CELF5: variants seen among roughly 807,000 people sequenced by gnomAD.
The protein encoded by CELF5 is CUG-BP and ETR-3 like factor 5.
In CELF5, 6 loss-of-function variants were observed where a neutral mutation model predicts 54.9. The ratio of observed to expected loss-of-function variants is 0.11; its 90% CI spans 0.06 to 0.22. The LOEUF is 0.22. CELF5 is among the 10% of genes least tolerant of loss of function. The pLI, the probability that CELF5 is intolerant of heterozygous loss-of-function variation, is 1.00. For missense variants in CELF5, 401 were observed against 678.6 expected, an observed-to-expected ratio of 0.59 and a Z score of 4.54; for synonymous variants, 271 against 290.9, an observed-to-expected ratio of 0.93 and a Z score of 0.70.
chr19:3,244,485 T>C (rs1217499502), intron 1 of CELF5, among the ~76,000 whole-genome samples: 1 of 147,852 alleles, frequency 6.8e-6, no homozygotes, highest in Non-Finnish European at 1.5e-5. Flanking sequence ...CATCTGTGTG[T>C]GCGGTGTGCA....
chr19:3,271,026 T>C (rs867001532), intron 2 of CELF5, among the ~76,000 whole-genome samples: 1 of 148,834 alleles, frequency 6.7e-6, no homozygotes. Flanking sequence ...TATTTAAATA[T>C]CTCTTTTGTG....
chr19:3,249,283 C>G (rs900501232), intron 1 of CELF5, among the ~76,000 whole-genome samples: 1 of 152,124 alleles, frequency 6.6e-6, no homozygotes, highest in African/African-American at 2.4e-5. Flanking sequence ...TGTATCCATC[C>G]CAGGACCCCT....
intron 12 of CELF5, chr19:3,296,462 G>GAAAAAAAAAAAAAAAAAAAAAAAAAAAA (rs2080453769): frequency 2.7e-5 from 2 of 74,494 alleles, no homozygotes; most frequent in African/African-American, 1.0e-4. Flanking sequence ...AAAAAGAAAA[G>GAAAAAAAAAAAAAAAAAAAAAAAAAAAA]AAAAAAGAAA....
intron 2 of CELF5, among the ~76,000 whole-genome samples, chr19:3,257,290 TGAA>T (rs2079741170): frequency 6.7e-6 from 1 of 149,512 alleles, no homozygotes; most frequent in Non-Finnish European, 1.5e-5. Flanking sequence ...GTCAGAGGAG[TGAA>T]GAAGAGTGAG....
intron 1 of CELF5, among the ~76,000 whole-genome samples, chr19:3,241,746 C>T (rs962264408): frequency 6.6e-6 from 1 of 152,080 alleles, no homozygotes; most frequent in Admixed American, 6.5e-5. Context: ...GATCCAGCCC[C>T]GTGTTTCTGA....
At chr19:3,291,465 T>C (rs2080346041) in intron 11 of CELF5, among the ~76,000 whole-genome samples, 1 of 149,884 alleles carries the variant, frequency 6.7e-6, no homozygotes, top group Non-Finnish European at 1.5e-5. Context: ...ACTTAGGAGA[T>C]TGCAGCAGGA....
chr19:3,276,380 C>T (rs2080053196), intron 4 of CELF5, among the ~76,000 whole-genome samples: 2 of 141,022 alleles, frequency 1.4e-5, no homozygotes, highest in African/African-American at 5.4e-5. Context: ...TTCTCCAGAG[C>T]TGAAGTCTGT....
chr19:3,241,563 T>C (rs1405790639), intron 1 of CELF5, among the ~76,000 whole-genome samples: 5 of 150,990 alleles, frequency 3.3e-5, no homozygotes, highest in Admixed American at 6.6e-5. Context: ...CTGGGGCAGG[T>C]GTGTGGGGTG....
At chr19:3,259,046 G>A (rs1283845053) in intron 2 of CELF5, among the ~76,000 whole-genome samples, 1 of 152,170 alleles carries the variant, frequency 6.6e-6, no homozygotes, top group Non-Finnish European at 1.5e-5. Flanking sequence ...TTTAGTGAAG[G>A]GTGGACAGGG....
At chr19:3,251,652 C>CTTTTTTTTTTTTTTT (rs1195812856) in intron 2 of CELF5, among the ~76,000 whole-genome samples, 35 of 67,102 alleles carry the variant, frequency 5.2e-4, no homozygotes, top group East Asian at 3.1e-3. Context: ...ACAAGGGCTT[C>CTTTTTTTTTTTTTTT]TTTTTTTTTT....
chr19:3,258,638 G>T (rs1162747769), intron 2 of CELF5, among the ~76,000 whole-genome samples: 1 of 151,888 alleles, frequency 6.6e-6, no homozygotes, highest in African/African-American at 2.4e-5. Context: ...TAGAGACAGG[G>T]TCTTGCTCTG....
At chr19:3,236,192 TA>T (rs111971172) in intron 1 of CELF5, among the ~76,000 whole-genome samples, 1 of 151,736 alleles carries the variant, frequency 6.6e-6, no homozygotes, top group Non-Finnish European at 1.5e-5. Flanking sequence ...TGAGGGACAG[TA>T]AAAAGGGGGC....
At chr19:3,238,704 G>A (rs867987630) in intron 1 of CELF5, among the ~76,000 whole-genome samples, 1 of 152,152 alleles carries the variant, frequency 6.6e-6, no homozygotes, top group Non-Finnish European at 1.5e-5. Flanking sequence ...GACCGAGGCA[G>A]GTGGTTCACT....
At chr19:3,241,257 A>G (rs1013907842) in intron 1 of CELF5, among the ~76,000 whole-genome samples, 1 of 143,908 alleles carries the variant, frequency 6.9e-6, no homozygotes, top group Non-Finnish European at 1.5e-5. Flanking sequence ...TTTTTTTTGT[A>G]TTTTTACTAG....
intron 9 of CELF5, among the ~76,000 whole-genome samples, chr19:3,285,666 C>CCCT (rs2080231212): frequency 1.3e-5 from 1 of 75,644 alleles, no homozygotes; most frequent in Admixed American, 1.1e-4. Context: ...GGGGTCCGCC[C>CCCT]CCACCCCCCC....
rs940593695 is a variant in CELF5, at chr19:3,281,068, G to A, written c.604-131G>A. 1.6e-5 allele frequency: 18 copies of A among 1,122,592 alleles called. No individual in the cohort carries two copies. Among genetic ancestry groups the A allele is most frequent in the Admixed American group, 1.2e-4 (6 of 48,908 alleles). 69.5% of individuals were successfully genotyped at this position (1,122,592 alleles called of 1,614,324 possible). On this transcript the variant is annotated intron_variant, in intron 5 of 12. Coordinates refer to ENST00000292672, the MANE Select transcript of CELF5 (RefSeq NM_021938.4). The surrounding 1 kb of genome is among the most constrained non-coding windows in gnomAD (Gnocchi z 6.5). ...GCCCTGGCTCCTGGGGTGGGGGCCC[G>A]TGGACATGGCTGACAGCCACTGGCA...
rs1052066393 is a variant in CELF5, at chr19:3,225,663, A to T, written c.259+665A>T. ...GGTTGGGGGCGCCCGGCTCGGGGGG[A>T]CGCGCCCGCCTCGCCTGCCTCGGGT... On this transcript the variant is annotated intron_variant, in intron 1 of 12. Coordinates refer to ENST00000292672, the MANE Select transcript of CELF5 (RefSeq NM_021938.4). The T allele has an allele frequency of 1.8e-5, 16 of 912,376 alleles. No individual in the cohort carries two copies. In the African/African-American group the frequency reaches 2.7e-4, roughly 15 times the overall value. The allele number at this position is 912,376 out of a possible 1,614,324, so 56.5% of individuals were successfully genotyped here.
intron 2 of CELF5, among the ~76,000 whole-genome samples, chr19:3,255,729 G>A (rs1474690153): frequency 1.3e-5 from 2 of 152,052 alleles, no homozygotes; most frequent in African/African-American, 4.8e-5. Flanking sequence ...TCCAATATGG[G>A]TAACACTTTC....
intron 11 of CELF5, among the ~76,000 whole-genome samples, chr19:3,290,859 C>T (rs929761678): frequency 6.6e-6 from 1 of 151,638 alleles, no homozygotes; most frequent in Non-Finnish European, 1.5e-5. Context: ...ATCCACTGCG[C>T]CTGGCCAATC....
Sources: allele counts gnomAD v4.1 joint callset (sites outside exome capture counted in the v4.1 genomes callset), GRCh38; gene constraint gnomAD v4.1.1; non-coding constraint Gnocchi (gnomAD v3.1); transcripts MANE v1.5; gene names NCBI Gene and HGNC (gene_info 2026-07-23, HGNC 2026-07-21).